CIAO3: variants seen among roughly 807,000 people sequenced by gnomAD.
CIAO3 encodes the protein cytosolic iron-sulfur assembly component 3, also known as LET1 like/JFP15.
Under a neutral mutation model 51.5 loss-of-function variants are expected in CIAO3, and 45 were observed. The observed-to-expected ratio is 0.87, with a 90% confidence interval of 0.69 to 1.12. CIAO3 has a LOEUF of 1.12. CIAO3 is among the 50% of genes most tolerant of loss of function. CIAO3 has a pLI of 0.00. For synonymous variants in CIAO3, 314 were observed against 269.3 expected (o/e 1.17, Z -1.63); for missense variants, 668 against 632.5 (o/e 1.06, Z -0.60).
chr16:733,586 C>A (rs1027221871), intron 6 of CIAO3, 159 bp from the exon 7 acceptor site: 2 of 1,099,706 alleles, frequency 1.8e-6, no homozygotes, highest in Non-Finnish European at 2.6e-6. Flanking sequence ...CGGATGTGTC[C>A]CTGGACAGGA....
At chr16:735,029 G>A (rs2041324376) in intron 4 of CIAO3, 158 bp from the exon 5 acceptor site, 11 of 1,019,732 alleles carry the variant, frequency 1.1e-5, no homozygotes, top group South Asian at 1.9e-5. Context: ...CTAAAGCCAC[G>A]TTGCGCCAAA....
Position 739,889 on chromosome 16 carries a change from T to C in CIAO3, c.67-151A>G, listed in dbSNP as rs1253527629. ...GACTGAGGCTGGTCCCACCGTCTTC[T>C]TCCTGCCCCACTGCTCTCACCCAGG... On this transcript the variant is annotated intron_variant, in intron 1 of 10. Transcript: ENST00000251588. 6 of 1,208,912 alleles carry C rather than the reference T, an allele frequency of 5.0e-6. No individual in the cohort carries two copies. The East Asian group carries it at 1.5e-4, about 30-fold the overall frequency. The allele number at this position is 1,208,912 out of a possible 1,614,324, so 74.9% of individuals were successfully genotyped here.
In CIAO3 at chr16:733,293, C is replaced by G. The variant is rs368504902; in HGVS notation, c.823+5G>C. The G allele has an allele frequency of 6.2e-7, 1 of 1,613,142 alleles. No individual in the cohort carries two copies. Among genetic ancestry groups the G allele is most frequent in the South Asian group, 1.1e-5 (1 of 91,084 alleles). On this transcript the variant is annotated splice_donor_5th_base_variant and intron_variant, in intron 7 of 10. Coordinates refer to ENST00000251588, the MANE Select transcript of CIAO3 (RefSeq NM_022493.3). ...AGGGCTCAGGGCCGCACGGCGTGACCGCACCTGTTGTGAGGACACAGTCCA... is the reference window on the plus strand; with the variant it reads ...AGGGCTCAGGGCCGCACGGCGTGACGGCACCTGTTGTGAGGACACAGTCCA...
At position 734,278 on chromosome 16, in the gene CIAO3, G is replaced by A. The variant is rs750423046; in HGVS notation, c.644C>T (p.Pro215Leu). 1.6e-5 allele frequency: 26 copies of A among 1,612,042 alleles called. No homozygotes were observed. Among genetic ancestry groups the A allele is most frequent in the Non-Finnish European group, 2.1e-5 (25 of 1,179,830 alleles). Residue 215 changes from proline (P) to leucine (L), a missense_variant, in exon 6 of 11, where the codon CCG (proline) becomes CTG (leucine). Physicochemically the swap from Pro to Leu is moderately conservative, Grantham distance 98. Coordinates refer to ENST00000251588, the MANE Select transcript of CIAO3 (RefSeq NM_022493.3). Reference protein sequence around the residue: ...ILPHISTARSPQQVMGSLVKD... With the variant: ...ILPHISTARSLQQVMGSLVKD... ...GACCAGGGAGCCCATGACCTGCTGCGGGGACCGGGCGGTGCTGATGTGGGG... is the reference window on the plus strand; with the variant it reads ...GACCAGGGAGCCCATGACCTGCTGCAGGGACCGGGCGGTGCTGATGTGGGG...
In CIAO3 at chr16:736,419, G is replaced by A. The variant is rs374095881; in HGVS notation, c.307-21C>T. ...GCCATCTGCAAAGCAAGGGGAAGAC[G>A]CTGCTTACTCTGCTGGCCTTATGCT... On this transcript the variant is annotated intron_variant, in intron 3 of 10. Transcript: ENST00000251588. The A allele has an allele frequency of 9.9e-6, 16 of 1,611,918 alleles. No homozygotes were observed. In the African/African-American group the frequency reaches 1.2e-4, roughly 12 times the overall value.
Position 731,650 on chromosome 16 carries a change from C to T in CIAO3, c.949G>A (p.Gly317Arg). ...EPTSHRGGGS[G>R]GYLEHVFRHA... ...CGGAACACGTGCTCCAGGTAGCCCC[C>T]CGAGCCCCCTCCCCGATGGCTGGTG... Residue 317 changes from glycine (G) to arginine (R), a missense_variant, in exon 9 of 11, where the codon GGG becomes AGG. Gly to Arg is a moderately radical substitution (Grantham distance 125, BLOSUM62 -2). Coordinates refer to ENST00000251588, the MANE Select transcript of CIAO3 (RefSeq NM_022493.3). 6.4e-7 allele frequency: 1 copy of T among 1,558,168 alleles called. No homozygotes were observed. The highest frequency in any genetic ancestry group is 8.7e-7 in the Non-Finnish European group (1 of 1,151,674).
chr16:737,303 C>T lies in CIAO3; in HGVS notation c.189G>A (p.Lys63=), dbSNP rs1430333451. The T allele has an allele frequency of 6.2e-7, 1 of 1,613,274 alleles. No homozygotes were observed. The highest frequency in any genetic ancestry group is 1.1e-5 in the South Asian group (1 of 91,086). ...NQDGGTRRLE[K]AKVSLNDCLA... ...GGCAGTCGTTTAGCGAGACCTTGGC[C>T]TTCTCCAGCCTCCGGGTCCCGCCGT... Residue 63 remains lysine, a synonymous_variant, in exon 3 of 11, where the codon AAG becomes AAA. Coordinates refer to ENST00000251588, the MANE Select transcript of CIAO3 (RefSeq NM_022493.3). This position sits in a 1 kb window ranked among gnomAD's most constrained non-coding sequence, Gnocchi z 5.3.
intron 7 of CIAO3, 119 bp from the exon 8 acceptor site, chr16:732,492 G>A (rs747648941): frequency 5.2e-5 from 60 of 1,156,784 alleles, no homozygotes; most frequent in Non-Finnish European, 7.2e-5. Flanking sequence ...GGCCCCAAAT[G>A]TCCACCCTAG....
intron 1 of CIAO3, 122 bp from the exon 2 acceptor site, chr16:739,860 C>CA (rs1314791667): frequency 8.0e-7 from 1 of 1,254,086 alleles, no homozygotes; most frequent in East Asian, 2.3e-5. Context: ...GCCATGCACT[C>CA]AGGGACTGAG....
chr16:732,220 C>T, intron 8 of CIAO3, 81 bp downstream of exon 8: 3 of 1,440,614 alleles, frequency 2.1e-6, no homozygotes, highest in East Asian at 2.3e-5. Context: ...TGCGGGGAGG[C>T]AAGCCCAGAG....
In CIAO3 at chr16:730,486, T is replaced by A; in HGVS notation, c.1362A>T (p.Ala454=). 1 of 1,609,332 alleles carries A rather than the reference T, an allele frequency of 6.2e-7. No homozygotes were observed. Among genetic ancestry groups the A allele is most frequent in the South Asian group, 1.1e-5 (1 of 91,088 alleles). Residue 454 remains alanine (A), a synonymous_variant, in exon 11 of 11, where the codon GCA becomes GCT. Transcript: ENST00000251588. ...HWLQGTDSEC[A]GRLLHTQYHA... ...GGTACTGCGTATGCAGCAAGCGACC[T>A]GCACACTCCGAGTCCGTGCCCTGCA...
At chr16:733,521 C>A in intron 6 of CIAO3, 94 bp from the exon 7 acceptor site, 1 of 1,565,054 alleles carries the variant, frequency 6.4e-7, no homozygotes, top group Non-Finnish European at 8.7e-7. Context: ...CCAGGCCGGA[C>A]CCCGAGGGAC....
chr16:734,867 C>G lies in CIAO3; in HGVS notation c.444G>C (p.Val148=). The change falls in exon 5 of 11, where the codon GTG becomes GTC. Residue 148 remains valine, a synonymous_variant. Coordinates refer to ENST00000251588, the MANE Select transcript of CIAO3 (RefSeq NM_022493.3). The part of the protein sequence containing the change: ...KLTSFFKKIG[V]HFVFDTAFSR... ...AGAAGGCGGTGTCGAAGACGAAGTGCACCCCTGGAAGGTGAAGGTGGGTGC... is the reference window on the plus strand; with the variant it reads ...AGAAGGCGGTGTCGAAGACGAAGTGGACCCCTGGAAGGTGAAGGTGGGTGC... 1 of 1,560,370 alleles carries G rather than the reference C, an allele frequency of 6.4e-7. No homozygotes were observed. The highest frequency in any genetic ancestry group is 8.7e-7 in the Non-Finnish European group (1 of 1,148,994).
At position 740,806 on chromosome 16, in the gene CIAO3, C is replaced by G. The variant is rs1022093784; in HGVS notation, c.66+114G>C. 1.1e-5 allele frequency: 12 copies of G among 1,139,806 alleles called. No individual in the cohort carries two copies. The East Asian group carries it at 3.5e-4, about 33-fold the overall frequency. 70.6% of individuals were successfully genotyped at this position (1,139,806 alleles called of 1,614,324 possible). On this transcript the variant is annotated intron_variant, in intron 1 of 10. Transcript: ENST00000251588. Reference sequence around the variant, plus strand: ...AGAGTCCCTGACGGCCCAGACCGGGCTCCCGGGATTCGGATCTCATTCCTC... The same window carrying G: ...AGAGTCCCTGACGGCCCAGACCGGGGTCCCGGGATTCGGATCTCATTCCTC...
In CIAO3 at chr16:733,515, G is replaced by A. The variant is rs1360304460; in HGVS notation, c.694-88C>T. 2.5e-6 allele frequency: 4 copies of A among 1,582,776 alleles called. No homozygotes were observed. In the African/African-American group the frequency reaches 4.0e-5, roughly 16 times the overall value. ...TGGAACTCAGCCATCCTGCAGCCAG[G>A]CCGGACCCCGAGGGACAGTGAGCCT... On this transcript the variant is annotated intron_variant, in intron 6 of 10. Coordinates refer to ENST00000251588, the MANE Select transcript of CIAO3 (RefSeq NM_022493.3).
intron 8 of CIAO3, 123 bp downstream of exon 8, chr16:732,178 A>C (rs2041290001): frequency 9.4e-7 from 1 of 1,064,742 alleles, no homozygotes; most frequent in Non-Finnish European, 1.4e-6. Flanking sequence ...GCGCCTGGCT[A>C]TCCAGCCACT....
chr16:732,331 G>C lies in CIAO3; in HGVS notation c.866C>G (p.Pro289Arg), dbSNP rs1351973035. Residue 289 changes from proline to arginine, a missense_variant, in exon 8 of 11, where the codon CCC becomes CGC. Coordinates refer to ENST00000251588, the MANE Select transcript of CIAO3 (RefSeq NM_022493.3). ...GTCCAGAGGGGCTGGTTCCAGGTCG[G>C]GGAGGGAGACGCCCTCTTCCTCCAG... ...RLLEEEGVSL[P>R]DLEPAPLDSL... The C allele has an allele frequency of 1.2e-6, 2 of 1,612,936 alleles. No individual in the cohort carries two copies. The highest frequency in any genetic ancestry group is 1.7e-6 in the Non-Finnish European group (2 of 1,179,802).
Position 737,087 on chromosome 16 carries a change from G to T in CIAO3, c.306+99C>A. ...AAAGGCAGGCGCCACCCGCACGACGGACGTCGGCACCACACGAGCTGCCCT... is the reference window on the plus strand; with the variant it reads ...AAAGGCAGGCGCCACCCGCACGACGTACGTCGGCACCACACGAGCTGCCCT... On this transcript the variant is annotated intron_variant, in intron 3 of 10. Transcript: ENST00000251588. The surrounding 1 kb of genome is among the most constrained non-coding windows in gnomAD (Gnocchi z 5.3). The T allele has an allele frequency of 2.0e-6, 3 of 1,531,386 alleles. No individual in the cohort carries two copies. Among genetic ancestry groups the T allele is most frequent in the South Asian group, 2.3e-5 (2 of 87,210 alleles). The allele number at this position is 1,531,386 out of a possible 1,614,324, so 94.9% of individuals were successfully genotyped here.
chr16:734,482 G>C (rs1235811641), intron 5 of CIAO3, 135 bp from the exon 6 acceptor site: 1 of 839,582 alleles, frequency 1.2e-6, no homozygotes, highest in East Asian at 2.6e-5. Flanking sequence ...GCTCATTCCT[G>C]TTCTCCCCAC....
Sources: allele counts gnomAD v4.1 joint callset, GRCh38; gene constraint gnomAD v4.1.1; non-coding constraint Gnocchi (gnomAD v3.1); transcripts MANE v1.5; gene names NCBI Gene and HGNC (gene_info 2026-07-23, HGNC 2026-07-21).